TRPM1: variants seen among roughly 807,000 people sequenced by gnomAD.
TRPM1 encodes TRPM1-203 APA Isoform, Intron 10.
A neutral mutation model predicts 149.4 loss-of-function variants in TRPM1; 113 were observed. The ratio of observed to expected loss-of-function variants is 0.76; its 90% CI spans 0.65 to 0.88. The LOEUF (loss-of-function observed/expected upper bound fraction) is 0.88. TRPM1 is among the 40% of genes least tolerant of loss of function. TRPM1 has a pLI of 0.00. For synonymous variants in TRPM1, 741 were observed against 759.5 expected, an observed-to-expected ratio of 0.98 and a Z score of 0.40; for missense variants, 1,976 against 2,038.7, an observed-to-expected ratio of 0.97 and a Z score of 0.59.
intron 7 of TRPM1, among the ~76,000 whole-genome samples, chr15:31,065,860 A>G (rs1303238107): frequency 6.6e-6 from 1 of 152,228 alleles, no homozygotes; most frequent in Non-Finnish European, 1.5e-5. Context: ...ATTTCGTGCT[A>G]ACTTGTGAAC....
exon 1 of TRPM1, chr15:31,161,079 A>G (rs2141071142): frequency 7.0e-6 from 7 of 1,000,510 alleles, no homozygotes; most frequent in Non-Finnish European, 1.0e-5. Context: ...GCAGCCCCAC[A>G]CTCGGCGGCA....
intron 1 of TRPM1, among the ~76,000 whole-genome samples, chr15:31,133,163 G>T (rs783034): frequency 6.6e-6 from 1 of 152,002 alleles, no homozygotes; most frequent in Non-Finnish European, 1.5e-5. Context: ...GTGGCCGAGC[G>T]TGGTGGCTCA....
chr15:31,109,554 G>A (rs1386470229), intron 1 of TRPM1, among the ~76,000 whole-genome samples: 1 of 151,102 alleles, frequency 6.6e-6, no homozygotes, highest in African/African-American at 2.4e-5. Context: ...CAAAAAATTA[G>A]CTGGGCGTGG....
chr15:31,050,299 G>C, intron 12 of TRPM1, 110 bp downstream of exon 12: 1 of 1,520,298 alleles, frequency 6.6e-7, no homozygotes, highest in Non-Finnish European at 9.1e-7. Context: ...GCCTTTACCC[G>C]TCCCTCCTGG....
chr15:31,070,244 G>GATATTGTT lies in TRPM1; in HGVS notation c.84-19_84-18insAACAATAT, dbSNP rs774783195. 4.4e-6 allele frequency: 7 copies of GATATTGTT among 1,599,560 alleles called. No homozygotes were observed. The highest frequency in any genetic ancestry group is 1.3e-5 in the African/African-American group (1 of 74,738). ...AGCAACACCTGAAAACAAAGGCAAA[G>GATATTGTT]CAGGGTCTTTCTACAACAATCTCCC... is the stretch of plus-strand genomic sequence containing the variant. On this transcript the variant is annotated intron_variant, in intron 3 of 27. Coordinates refer to ENST00000256552, the MANE Select transcript of TRPM1 (RefSeq NM_001252024.2).
chr15:31,105,466 T>C (rs376285669), upstream of TRPM1, among the ~76,000 whole-genome samples: 21,207 of 114,034 alleles, frequency 0.19, 1,779 homozygotes, highest in Non-Finnish European at 0.22. Flanking sequence ...TGTGTGTGTG[T>C]GTGTGTGCGC....
rs2033045769 is a variant in TRPM1 at position 31,031,068 on chromosome 15, C to T, written c.3042G>A (p.Glu1014=). Residue 1014 remains glutamate (E), a synonymous_variant, in exon 23 of 28, where the codon GAG becomes GAA. Coordinates refer to ENST00000256552, the MANE Select transcript of TRPM1 (RefSeq NM_001252024.2). ...VARQAILHPE[E]KPSWKLARNI... is the part of the protein sequence containing the mutation. ...TTCGGGCCAGTTTCCAAGAGGGCTT[C>T]TCCTCTGGATGCAGAATGGCTTGAC... 1.2e-6 allele frequency: 2 copies of T among 1,614,076 alleles called. No homozygotes were observed.
chr15:31,006,588 T>G (rs966548686), intron 27 of TRPM1, among the ~76,000 whole-genome samples: 1 of 152,230 alleles, frequency 6.6e-6, no homozygotes, highest in African/African-American at 2.4e-5. Flanking sequence ...ATGTACAGGT[T>G]TTGTGTGAAC....
At chr15:31,063,316 C>A in intron 7 of TRPM1, 24 bp from the exon 8 acceptor site, 3 of 1,614,114 alleles carry the variant, frequency 1.9e-6, no homozygotes, top group Non-Finnish European at 2.5e-6. Flanking sequence ...CACATTCGCC[C>A]ATACCACCTG....
At chr15:31,044,403 T>C (rs2033707241) in intron 16 of TRPM1, among the ~76,000 whole-genome samples, 2 of 152,178 alleles carry the variant, frequency 1.3e-5, no homozygotes, top group African/African-American at 2.4e-5. Context: ...AGGAAGTTGC[T>C]TGATAAAGCA....
intron 1 of TRPM1, among the ~76,000 whole-genome samples, chr15:31,110,902 T>C (rs944346758): frequency 5.6e-5 from 8 of 142,462 alleles, no homozygotes; most frequent in African/African-American, 1.2e-4. Flanking sequence ...TCTCTCTCTC[T>C]CCCCCCCCTT....
At chr15:31,016,737 A>G (rs890146768) in intron 27 of TRPM1, among the ~76,000 whole-genome samples, 9 of 152,184 alleles carry the variant, frequency 5.9e-5, no homozygotes, top group Admixed American at 1.3e-4. Context: ...TAGAAATTTA[A>G]GCTGCACTTG....
intron 27 of TRPM1, among the ~76,000 whole-genome samples, chr15:31,025,639 C>G (rs931804253): frequency 1.3e-5 from 2 of 152,194 alleles, no homozygotes; most frequent in Admixed American, 6.5e-5. Context: ...CCTCACCCCC[C>G]ACCCTGCACC....
chr15:31,126,867 T>C (rs540963368), intron 1 of TRPM1, among the ~76,000 whole-genome samples: 1 of 152,290 alleles, frequency 6.6e-6, no homozygotes, highest in South Asian at 2.1e-4. Context: ...CTCAGGAGGC[T>C]GAGGCACAAG....
At chr15:31,089,400 C>T (rs540509001) in intron 1 of TRPM1, among the ~76,000 whole-genome samples, 4 of 152,330 alleles carry the variant, frequency 2.6e-5, no homozygotes, top group African/African-American at 9.6e-5. Context: ...TGTTTCTTCC[C>T]TACAGAGTCC....
At chr15:31,075,634 A>C (rs28679758) in intron 3 of TRPM1, among the ~76,000 whole-genome samples, 1 of 152,022 alleles carries the variant, frequency 6.6e-6, no homozygotes, top group Non-Finnish European at 1.5e-5. Flanking sequence ...TGCTCCTCCC[A>C]GGAAGAAAGC....
intron 3 of TRPM1, among the ~76,000 whole-genome samples, chr15:31,072,008 T>G (rs1263639081): frequency 3.8e-3 from 131 of 34,720 alleles, no homozygotes; most frequent in South Asian, 0.015. Flanking sequence ...TATATATATA[T>G]ATATATATAT....
Position 31,001,778 on chromosome 15 carries a change from G to A in TRPM1, c.*44C>T. Reference sequence around the variant, plus strand: ...TAGATGGCCAAGATGACACCCATTAGTGGTTCTGACTGTTAAAAAAAAAAA... The same window carrying A: ...TAGATGGCCAAGATGACACCCATTAATGGTTCTGACTGTTAAAAAAAAAAA... On this transcript the variant is annotated 3_prime_UTR_variant, in exon 28 of 28. Coordinates refer to ENST00000256552, the MANE Select transcript of TRPM1 (RefSeq NM_001252024.2). 1 of 1,585,592 alleles carries A rather than the reference G, an allele frequency of 6.3e-7. No individual in the cohort carries two copies. The highest frequency in any genetic ancestry group is 1.1e-5 in the South Asian group (1 of 87,330).
intron 1 of TRPM1, among the ~76,000 whole-genome samples, chr15:31,136,395 G>A (rs1389867249): frequency 2.6e-5 from 4 of 152,180 alleles, no homozygotes; most frequent in Admixed American, 6.5e-5. Flanking sequence ...ATTTATAATC[G>A]GAAGGCATTT....
Sources: allele counts gnomAD v4.1 joint callset (sites outside exome capture counted in the v4.1 genomes callset), GRCh38; gene constraint gnomAD v4.1.1; transcripts MANE v1.5; gene names NCBI Gene and HGNC (gene_info 2026-07-23, HGNC 2026-07-21).